Variants in RCAN2 observed in about 807,000 individuals in gnomAD.
RCAN2 encodes the protein regulator of calcineurin 2.
RCAN2 carries 9 observed loss-of-function variants against 23.6 expected under a neutral mutation model. The observed-to-expected ratio is 0.38, with a 90% CI of 0.23 to 0.67. The LOEUF is 0.67. Ranked by LOEUF, RCAN2 falls within the 30% of genes least tolerant of loss-of-function variation. The probability of loss-of-function intolerance (pLI) is 0.51; values close to 1 mark genes in which losing one functional copy is unlikely to be tolerated. For missense variants in RCAN2, 273 were observed against 302.3 expected, an observed-to-expected ratio of 0.90 and a Z score of 0.72; for synonymous variants, 109 against 115.7, an observed-to-expected ratio of 0.94 and a Z score of 0.37.
chr6:46,296,299 G>C (rs1582077256), intron 2 of RCAN2, among the ~76,000 whole-genome samples: 1 of 151,920 alleles, frequency 6.6e-6, no homozygotes, highest in East Asian at 1.9e-4. Context: ...TGAGTCAAAA[G>C]AGTGGAGGGT....
At chr6:46,351,469 G>C (rs1361544977) in intron 2 of RCAN2, among the ~76,000 whole-genome samples, 1 of 152,190 alleles carries the variant, frequency 6.6e-6, no homozygotes, top group African/African-American at 2.4e-5. Context: ...AATCTAGATT[G>C]TGTAGCAGGG....
chr6:46,293,334 C>T (rs757187201), intron 2 of RCAN2, among the ~76,000 whole-genome samples: 1 of 152,152 alleles, frequency 6.6e-6, no homozygotes, highest in South Asian at 2.1e-4. Context: ...ATAATTTCTA[C>T]TTCTTTGTGC....
At chr6:46,329,210 C>T (rs1256425720) in intron 2 of RCAN2, among the ~76,000 whole-genome samples, 3 of 152,148 alleles carry the variant, frequency 2.0e-5, no homozygotes, top group Non-Finnish European at 4.4e-5. Flanking sequence ...ATGGCTTGCT[C>T]CTTCTTATCA....
intron 2 of RCAN2, among the ~76,000 whole-genome samples, chr6:46,268,413 G>A (rs991366487): frequency 6.6e-6 from 1 of 152,116 alleles, no homozygotes; most frequent in Admixed American, 6.5e-5. Context: ...ACTTTCAATG[G>A]ATCGGGTTTT....
intron 2 of RCAN2, among the ~76,000 whole-genome samples, chr6:46,276,400 A>G (rs1229365158): frequency 6.6e-6 from 1 of 152,172 alleles, no homozygotes; most frequent in Non-Finnish European, 1.5e-5. Flanking sequence ...CCACCACAAG[A>G]AACAGCAACT....
At chr6:46,444,076 C>A (rs1248301619) in intron 2 of RCAN2, among the ~76,000 whole-genome samples, 23 of 152,108 alleles carry the variant, frequency 1.5e-4, no homozygotes, top group Admixed American at 1.5e-3. Flanking sequence ...ACAAAGAAGA[C>A]AAATACAAAT....
At chr6:46,231,000 T>C (rs1420275255) in intron 4 of RCAN2, among the ~76,000 whole-genome samples, 1 of 152,192 alleles carries the variant, frequency 6.6e-6, no homozygotes, top group African/African-American at 2.4e-5. Context: ...GGGAAGGATG[T>C]AGACATTCAG....
chr6:46,283,910 G>C (rs1762285365), intron 2 of RCAN2, among the ~76,000 whole-genome samples: 2 of 152,180 alleles, frequency 1.3e-5, no homozygotes, highest in Admixed American at 1.3e-4. Context: ...AAGTCCTACT[G>C]TGTGCTTGGA....
intron 2 of RCAN2, among the ~76,000 whole-genome samples, chr6:46,334,820 G>A (rs1301464085): frequency 4.6e-5 from 7 of 152,060 alleles, no homozygotes; most frequent in Non-Finnish European, 8.8e-5. Context: ...TTTCTTCTTT[G>A]CCGTACCTTC....
chr6:46,354,897 ATGTGTGTGTGTGTGTGTGTGTGTGTG>A (rs6149559), intron 2 of RCAN2, among the ~76,000 whole-genome samples: 5 of 144,642 alleles, frequency 3.5e-5, no homozygotes, highest in East Asian at 2.0e-4. Context: ...AAGATTATAT[ATGTGTGTGTGTGTGTGTGTGTGTGTG>A]TGTGTGTGTG....
Position 46,223,245 on chromosome 6 carries a change from C to G in RCAN2, c.628G>C (p.Val210Leu). The G allele has an allele frequency of 6.2e-7, 1 of 1,613,896 alleles. No homozygotes were observed. The highest frequency in any genetic ancestry group is 8.5e-7 in the Non-Finnish European group (1 of 1,179,868). ...TESTPSVVVH[V>L]CDSDIEEEED... ...TCTTCCTCTATGTCACTGTCGCACA[C>G]GTGCACGACGACACTTGGGGTGGAC... The change falls in exon 5 of 5, where the codon GTG (valine) becomes CTG (leucine). Residue 210 changes from valine to leucine, a missense_variant. By Grantham distance (32) the Val-to-Leu change is conservative. Transcript: ENST00000371374.
intron 2 of RCAN2, among the ~76,000 whole-genome samples, chr6:46,309,819 G>A (rs528763906): frequency 3.0e-4 from 46 of 152,260 alleles, no homozygotes; most frequent in Middle Eastern, 6.8e-3. Context: ...TCTTACTTAT[G>A]TTTAAAGACT....
intron 2 of RCAN2, among the ~76,000 whole-genome samples, chr6:46,364,011 C>A (rs1303961806): frequency 6.6e-6 from 1 of 152,172 alleles, no homozygotes; most frequent in East Asian, 1.9e-4. Flanking sequence ...AAAAAATTCA[C>A]TGAATCTTAA....
At position 46,223,048 on chromosome 6, in the gene RCAN2, C is replaced by T; in HGVS notation, c.*93G>A. 2 of 1,372,252 alleles carry T rather than the reference C, an allele frequency of 1.5e-6. No individual in the cohort carries two copies. Among genetic ancestry groups the T allele is most frequent in the South Asian group, 1.3e-5 (1 of 75,182 alleles). 85.0% of individuals were successfully genotyped at this position (1,372,252 alleles called of 1,614,324 possible). ...GGAAGGAATCTCAAACAACCAAACA[C>T]CCAGGAATTTAAAGGCAATTTTTTT... On this transcript the variant is annotated 3_prime_UTR_variant, in exon 5 of 5. Transcript: ENST00000371374.
intron 2 of RCAN2, among the ~76,000 whole-genome samples, chr6:46,252,351 C>T (rs938468179): frequency 6.6e-6 from 1 of 152,194 alleles, no homozygotes; most frequent in Non-Finnish European, 1.5e-5. Flanking sequence ...TCCCATTTTT[C>T]TCCAGTTGTG....
intron 2 of RCAN2, among the ~76,000 whole-genome samples, chr6:46,411,823 A>G (rs1050676761): frequency 6.6e-6 from 1 of 152,246 alleles, no homozygotes; most frequent in African/African-American, 2.4e-5. Flanking sequence ...AATTATGTGC[A>G]GAAATGTAAT....
chr6:46,259,524 G>T (rs1025322915), intron 2 of RCAN2, among the ~76,000 whole-genome samples: 3 of 152,090 alleles, frequency 2.0e-5, no homozygotes, highest in Non-Finnish European at 4.4e-5. Context: ...CCAAAACATT[G>T]GTTTTTCTAT....
rs1239540682 is a variant in RCAN2 at position 46,491,257 on chromosome 6, G to C, written c.-87C>G. 1 of 151,270 alleles carries C rather than the reference G, an allele frequency of 6.6e-6. No homozygotes were observed. Among genetic ancestry groups the C allele is most frequent in the Non-Finnish European group, 1.5e-5 (1 of 67,700 alleles). 9.4% of individuals were successfully genotyped at this position (151,270 alleles called of 1,614,324 possible). A position where few individuals can be genotyped will look rare whatever the true frequency, so the allele number is the denominator to read the frequency against. On this transcript the variant is annotated 5_prime_UTR_variant, in exon 1 of 5. Coordinates refer to ENST00000371374, the MANE Select transcript of RCAN2 (RefSeq NM_001251974.2). ...TACGGGGGCCAGCTGCTAGCGCGCG[G>C]CGCTGCCTGCTCACCTGCCCGCCGG...
intron 4 of RCAN2, among the ~76,000 whole-genome samples, chr6:46,237,126 G>T (rs1207858689): frequency 6.6e-6 from 1 of 152,132 alleles, no homozygotes; most frequent in Non-Finnish European, 1.5e-5. Context: ...CTGAAAGGGA[G>T]CCTAGTTTTG....
Sources: gnomAD v4.1 joint callset for allele counts (sites outside exome capture counted in the v4.1 genomes callset) on GRCh38, gnomAD v4.1.1 for gene constraint, MANE v1.5 for transcripts, NCBI Gene and HGNC (gene_info 2026-07-23, HGNC 2026-07-21) for gene names.